Variants in ANKHD1 observed in about 807,000 individuals in gnomAD.
The protein encoded by ANKHD1 is ankyrin repeat and KH domain-containing protein 1.
Under a neutral mutation model 230.5 loss-of-function variants are expected in ANKHD1, and 31 were observed. That is an observed-to-expected ratio of 0.13 (90% CI 0.10 to 0.18). The LOEUF is 0.18. Ranked by LOEUF, ANKHD1 falls within the 10% of genes least tolerant of loss-of-function variation. The probability of loss-of-function intolerance (pLI) is 1.00; values close to 1 mark genes in which losing one functional copy is unlikely to be tolerated. For synonymous variants in ANKHD1, 1,074 were observed against 1,117.6 expected (o/e 0.96, Z 0.78); for missense variants, 2,256 against 3,071.3 (o/e 0.73, Z 6.27).
intron 29 of ANKHD1, among the ~76,000 whole-genome samples, chr5:140,530,401 CG>C (rs1472798172): frequency 1.3e-5 from 2 of 151,880 alleles, no homozygotes; most frequent in Middle Eastern, 3.2e-3. Context: ...TTAGTAGAGA[CG>C]GGGTTTTGCC....
At chr5:140,408,230 C>A (rs1332638973) in intron 1 of ANKHD1, among the ~76,000 whole-genome samples, 1 of 151,992 alleles carries the variant, frequency 6.6e-6, no homozygotes, top group Non-Finnish European at 1.5e-5. Flanking sequence ...TTGAAAAACT[C>A]AACAATATAG....
chr5:140,538,795 T>C (rs1394803586), intron 32 of ANKHD1, 124 bp from the exon 33 acceptor site: 5 of 1,164,738 alleles, frequency 4.3e-6, no homozygotes, highest in Non-Finnish European at 5.5e-6. Context: ...ACTGTACTTA[T>C]AGGATCTTTT....
intron 2 of ANKHD1, among the ~76,000 whole-genome samples, chr5:140,436,611 C>T (rs1196839214): frequency 6.6e-6 from 1 of 151,832 alleles, no homozygotes; most frequent in African/African-American, 2.4e-5. Flanking sequence ...CCAGGTATGG[C>T]GGTGTGCGCC....
At chr5:140,529,846 A>T in intron 29 of ANKHD1, 50 bp downstream of exon 29, 1 of 1,588,770 alleles carries the variant, frequency 6.3e-7, no homozygotes, top group South Asian at 1.1e-5. Flanking sequence ...CTATGGCCTA[A>T]TCTCACCTTA....
intron 10 of ANKHD1, among the ~76,000 whole-genome samples, chr5:140,472,689 T>C (rs1241690253): frequency 6.6e-6 from 1 of 151,900 alleles, no homozygotes; most frequent in Non-Finnish European, 1.5e-5. Flanking sequence ...ATTGGATTGT[T>C]TTAAAAATAA....
At chr5:140,473,366 T>C (rs966346599) in intron 10 of ANKHD1, among the ~76,000 whole-genome samples, 6 of 152,144 alleles carry the variant, frequency 3.9e-5, no homozygotes, top group African/African-American at 1.4e-4. Context: ...ATCATGATGC[T>C]TATTAAGTGT....
At chr5:140,412,779 A>G (rs1427870200) in intron 1 of ANKHD1, among the ~76,000 whole-genome samples, 1 of 152,194 alleles carries the variant, frequency 6.6e-6, no homozygotes, top group Non-Finnish European at 1.5e-5. Context: ...CCTGTGAGTA[A>G]AGATCAATTG....
chr5:140,505,606 A>G, intron 17 of ANKHD1, 118 bp from the exon 18 acceptor site: 1 of 1,401,848 alleles, frequency 7.1e-7, no homozygotes, highest in Non-Finnish European at 9.4e-7. Flanking sequence ...ATGTTAACTC[A>G]TTATCAGTGT....
Position 140,512,918 on chromosome 5 carries a change from G to A in ANKHD1, c.4195G>A (p.Asp1399Asn). Reference sequence around the variant, plus strand: ...CATGAGATACATAGCAACAATTACAGATAAGGTAAGTTTAATATGCTACTG... The same window carrying A: ...CATGAGATACATAGCAACAATTACAAATAAGGTAAGTTTAATATGCTACTG... Reference protein sequence around the residue: ...ECMRYIATITDKELLKKCHQC... With the variant: ...ECMRYIATITNKELLKKCHQC... Residue 1399 changes from aspartate (D) to asparagine (N), a missense_variant, in exon 23 of 34, where the codon GAT becomes AAT. This residue lies in a region of ANKHD1 where 195 missense variants were observed against 340.3 expected (regional missense o/e 0.57). Coordinates refer to ENST00000360839, the MANE Select transcript of ANKHD1 (RefSeq NM_017747.3). 3.8e-6 allele frequency: 6 copies of A among 1,592,016 alleles called. No homozygotes were observed. The highest frequency in any genetic ancestry group is 1.4e-5 in the African/African-American group (1 of 73,810).
intron 1 of ANKHD1, among the ~76,000 whole-genome samples, chr5:140,434,832 A>G (rs1773318400): frequency 6.6e-6 from 1 of 152,112 alleles, no homozygotes; most frequent in South Asian, 2.1e-4. Flanking sequence ...ATTTCAGTTA[A>G]TGCTGCAGTG....
rs1459888505 is a variant in ANKHD1 at position 140,508,006 on chromosome 5, TTTTTTAC to T, written c.3765+11_3765+17del. The T allele has an allele frequency of 6.2e-7, 1 of 1,603,278 alleles. No homozygotes were observed. Among genetic ancestry groups the T allele is most frequent in the Non-Finnish European group, 8.5e-7 (1 of 1,172,622 alleles). On this transcript the variant is annotated intron_variant, in intron 20 of 33. Coordinates refer to ENST00000360839, the MANE Select transcript of ANKHD1 (RefSeq NM_017747.3). ...GTTGAACATAGGGCAAAGGTAAGCA[TTTTTTAC>T]TTGTCAACTATTTCAGATACATTTC... is the stretch of plus-strand genomic sequence containing the variant.
At chr5:140,436,412 T>G (rs563046542) in intron 2 of ANKHD1, among the ~76,000 whole-genome samples, 155 bp downstream of exon 2, 1 of 152,302 alleles carries the variant, frequency 6.6e-6, no homozygotes, top group African/African-American at 2.4e-5. Flanking sequence ...ATGTTCACAT[T>G]TTGTATTTCT....
At chr5:140,410,209 CTA>C (rs760520559) in intron 1 of ANKHD1, among the ~76,000 whole-genome samples, 122 of 152,058 alleles carry the variant, frequency 8.0e-4, no homozygotes, top group Non-Finnish European at 4.7e-4. Context: ...GAAAATACAA[CTA>C]TGTGTATTTT....
In ANKHD1 at chr5:140,514,932, A is replaced by G. The variant is rs955988039; in HGVS notation, c.4317+1453A>G. ...GGCTGCAATGAGCTATGATTGTGCA[A>G]TGAGCCACTGCACTCCAGCCTGGGT... On this transcript the variant is annotated intron_variant, in intron 24 of 33. Transcript: ENST00000360839. 2.8e-5 allele frequency among the ~76,000 whole-genome samples: 4 copies of G among 144,426 alleles called. No individual in the cohort carries two copies. The East Asian group carries it at 5.9e-4, about 21-fold the overall frequency. The allele number at this position is 144,426 out of a possible 152,430, so 94.7% of individuals were successfully genotyped here.
intron 1 of ANKHD1, among the ~76,000 whole-genome samples, chr5:140,410,657 A>G (rs1428183280): frequency 6.6e-6 from 1 of 152,140 alleles, no homozygotes; most frequent in East Asian, 1.9e-4. Flanking sequence ...CTGTCTTCAC[A>G]GACCTTATTG....
intron 1 of ANKHD1, among the ~76,000 whole-genome samples, chr5:140,435,495 A>G (rs1773371514): frequency 1.3e-5 from 2 of 151,346 alleles, no homozygotes; most frequent in African/African-American, 2.4e-5. Context: ...ATTCTGCCTC[A>G]GTCTCCTGAG....
At chr5:140,518,598 G>A (rs1030079294) in intron 24 of ANKHD1, among the ~76,000 whole-genome samples, 2 of 152,016 alleles carry the variant, frequency 1.3e-5, no homozygotes, top group African/African-American at 4.8e-5. Context: ...CCATGATCAA[G>A]TGGGCTTCAT....
chr5:140,533,983 C>T lies in ANKHD1; in HGVS notation c.6851-1379C>T, dbSNP rs1285683814. Among the ~76,000 whole-genome samples, 4 of 152,076 alleles carry T rather than the reference C, an allele frequency of 2.6e-5. No individual in the cohort carries two copies. In the South Asian group the frequency reaches 6.2e-4, roughly 24 times the overall value. On this transcript the variant is annotated intron_variant, in intron 29 of 33. Coordinates refer to ENST00000360839, the MANE Select transcript of ANKHD1 (RefSeq NM_017747.3). ...TCAGGAAAGCACAGTAATAAATTGCCTACTGTTGCCTACCACAATAATGAA... is the reference window on the plus strand; with the variant it reads ...TCAGGAAAGCACAGTAATAAATTGCTTACTGTTGCCTACCACAATAATGAA...
chr5:140,530,639 A>G (rs908257838), intron 29 of ANKHD1, among the ~76,000 whole-genome samples: 1 of 152,274 alleles, frequency 6.6e-6, no homozygotes, highest in African/African-American at 2.4e-5. Flanking sequence ...AGAAATATAT[A>G]GACAGATCTG....
Sources: gnomAD v4.1 joint callset for allele counts (sites outside exome capture counted in the v4.1 genomes callset) on GRCh38, gnomAD v4.1.1 for gene constraint, gnomAD v4.1.1 regional missense constraint, MANE v1.5 for transcripts, NCBI Gene and HGNC (gene_info 2026-07-23, HGNC 2026-07-21) for gene names.